The following CLN8 variants were observed in gnomAD, a reference collection of about 807,000 sequenced individuals.
The protein encoded by CLN8 is protein CLN8.
In CLN8, 14 loss-of-function variants were observed where a neutral mutation model predicts 15.7. The observed-to-expected ratio is 0.89, with a 90% CI of 0.59 to 1.39. CLN8 has a LOEUF of 1.39. Among genes scored for constraint, CLN8 ranks in the 40% most tolerant of loss-of-function variants. CLN8 has a pLI of 0.00. For missense variants in CLN8, 415 were observed against 364.0 expected (o/e 1.14, Z -1.14); for synonymous variants, 188 against 151.0 (o/e 1.25, Z -1.80).
At chr8:1,773,204 G>T (rs1801382717) in intron 2 of CLN8, among the ~76,000 whole-genome samples, 1 of 152,188 alleles carries the variant, frequency 6.6e-6, no homozygotes, top group Non-Finnish European at 1.5e-5. Context: ...GAGAAACCAT[G>T]GCCCCAGATG....
At position 1,785,154 on chromosome 8, in the gene CLN8, G is replaced by A. The variant is rs557553625; in HGVS notation, c.*4587G>A. 7.2e-4 allele frequency: 115 copies of A among 160,834 alleles called. 3 individuals carry two copies. In the South Asian group the frequency reaches 0.017, roughly 24 times the overall value. 10.0% of individuals were successfully genotyped at this position (160,834 alleles called of 1,614,324 possible). ...AGGGGCTCCGTCGCTCTGCCCTCAC[G>A]CCGCTGAACCGCGAGGGTCTCCCGC... is the stretch of plus-strand genomic sequence containing the variant. On this transcript the variant is annotated 3_prime_UTR_variant, in exon 3 of 3. Coordinates refer to ENST00000331222, the MANE Select transcript of CLN8 (RefSeq NM_018941.4).
At chr8:1,753,441 G>A (rs1800597844), upstream of CLN8, among the ~76,000 whole-genome samples, 1 of 151,760 alleles carries the variant, frequency 6.6e-6, no homozygotes, top group African/African-American at 2.4e-5. Context: ...CATGGTGGCA[G>A]GCACCTGTAA....
At chr8:1,759,123 T>G (rs1800735174), upstream of CLN8, 1 of 152,234 alleles carries the variant, frequency 6.6e-6, no homozygotes, top group South Asian at 2.1e-4. Context: ...TTAAGATCTC[T>G]GCTTTGACGT....
chr8:1,772,985 G>C (rs931766876), intron 2 of CLN8: 2 of 398,494 alleles, frequency 5.0e-6, no homozygotes, highest in African/African-American at 4.1e-5. Flanking sequence ...TCGGGGTCGA[G>C]GTGGGTAGAT....
intron 1 of CLN8, chr8:1,764,241 C>G (rs1800945969): frequency 6.6e-6 from 1 of 152,260 alleles, no homozygotes; most frequent in Non-Finnish European, 1.5e-5. Flanking sequence ...TTGTGGGGGA[C>G]TTTCGAGCCC....
At chr8:1,780,107 C>T in intron 2 of CLN8, 143 bp from the exon 3 acceptor site, 1 of 1,515,008 alleles carries the variant, frequency 6.6e-7, no homozygotes, top group Non-Finnish European at 8.8e-7. Flanking sequence ...CCAATGAGAG[C>T]AGAGCCCTGG....
chr8:1,780,276 G>T lies in CLN8; in HGVS notation c.570G>T (p.Trp190Cys), dbSNP rs772518654. The T allele has an allele frequency of 3.7e-6, 6 of 1,614,258 alleles. No individual in the cohort carries two copies. The South Asian group carries it at 5.5e-5, about 15-fold the overall frequency. Residue 190 changes from tryptophan to cysteine, a missense_variant, in exon 3 of 3, where the codon TGG becomes TGT. Trp to Cys is a radical substitution (Grantham distance 215). Transcript: ENST00000331222. ...LKAGWSESLF[W>C]KLNQWLMIHM... ...CGGGCTGGTCCGAGTCTCTGTTTTG[G>T]AAGCTCAACCAGTGGCTGATGATTC... is the stretch of plus-strand genomic sequence containing the variant.
At chr8:1,774,012 G>A (rs935949823) in intron 2 of CLN8, 3 of 152,176 alleles carry the variant, frequency 2.0e-5, no homozygotes, top group African/African-American at 7.2e-5. Context: ...TTTATTACAA[G>A]TTCTTTAAAA....
Position 1,770,935 on chromosome 8 carries a change from G to A in CLN8, c.-120G>A, listed in dbSNP as rs1057520272. 7.4e-5 allele frequency: 64 copies of A among 863,820 alleles called. No individual in the cohort carries two copies. The South Asian group carries it at 8.9e-4, about 12-fold the overall frequency. 53.5% of individuals were successfully genotyped at this position (863,820 alleles called of 1,614,324 possible). On this transcript the variant is annotated 5_prime_UTR_variant, in exon 2 of 3. It removes the in-frame stop codon of an upstream open reading frame in the 5' UTR. Coordinates refer to ENST00000331222, the MANE Select transcript of CLN8 (RefSeq NM_018941.4). ...AAATGAATGATCTTTCTTTTAGATTGAAGATGGATACGTGACAATCCCAGG... is the reference window on the plus strand; with the variant it reads ...AAATGAATGATCTTTCTTTTAGATTAAAGATGGATACGTGACAATCCCAGG...
intron 2 of CLN8, among the ~76,000 whole-genome samples, chr8:1,778,807 T>G (rs1431506045): frequency 6.6e-6 from 1 of 152,156 alleles, no homozygotes; most frequent in Non-Finnish European, 1.5e-5. Flanking sequence ...GTCCTCACAT[T>G]AATTTTTTCA....
At chr8:1,770,708 G>A (rs373941874) in intron 1 of CLN8, among the ~76,000 whole-genome samples, 5 of 152,252 alleles carry the variant, frequency 3.3e-5, no homozygotes, top group East Asian at 1.9e-4. Context: ...TGCCAGCACG[G>A]CTCCGGCCTC....
intron 1 of CLN8, among the ~76,000 whole-genome samples, chr8:1,765,628 G>C (rs960245102): frequency 2.6e-5 from 4 of 152,198 alleles, no homozygotes; most frequent in African/African-American, 9.7e-5. Context: ...AGGAATGTCA[G>C]TTCAAAAGAG....
chr8:1,778,795 T>C (rs1801610442), intron 2 of CLN8, among the ~76,000 whole-genome samples: 1 of 152,192 alleles, frequency 6.6e-6, no homozygotes, highest in Admixed American at 6.5e-5. Flanking sequence ...TCTCTTCTAA[T>C]TGTCCTCACA....
intron 2 of CLN8, among the ~76,000 whole-genome samples, chr8:1,771,999 G>C (rs551434790): frequency 1.3e-5 from 2 of 152,010 alleles, no homozygotes; most frequent in African/African-American, 2.4e-5. Flanking sequence ...ACAATGGCAT[G>C]GTTTCGGCTC....
intron 2 of CLN8, among the ~76,000 whole-genome samples, chr8:1,779,000 C>T (rs1302475739): frequency 6.6e-6 from 1 of 152,170 alleles, no homozygotes; most frequent in African/African-American, 2.4e-5. Context: ...AATCATATAG[C>T]ACAAAGCCTG....
upstream of CLN8, among the ~76,000 whole-genome samples, chr8:1,754,132 G>A (rs181525390): frequency 3.3e-5 from 5 of 152,246 alleles, no homozygotes; most frequent in African/African-American, 9.6e-5. Flanking sequence ...CAACCTTGGC[G>A]TTACTAGCAC....
rs1418562986 is a variant in CLN8 at position 1,786,515 on chromosome 8, G to A, written c.*5948G>A. On this transcript the variant is annotated 3_prime_UTR_variant, in exon 3 of 3. Transcript: ENST00000331222. ...TTAGTAAAATGTATTTACTATTTTA[G>A]TAACAAAAATATACTTGCCTAATCA... The A allele has an allele frequency of 6.6e-6, 1 of 152,016 alleles. No individual in the cohort carries two copies. The highest frequency in any genetic ancestry group is 1.5e-5 in the Non-Finnish European group (1 of 68,006). 9.4% of individuals were successfully genotyped at this position (152,016 alleles called of 1,614,324 possible).
At position 1,771,437 on chromosome 8, in the gene CLN8, T is replaced by G; in HGVS notation, c.383T>G (p.Phe128Cys). The change falls in exon 2 of 3, where the codon TTC (phenylalanine) becomes TGC (cysteine). Residue 128 changes from phenylalanine (F) to cysteine (C), a missense_variant. By Grantham distance (205) the Phe-to-Cys change is radical. Coordinates refer to ENST00000331222, the MANE Select transcript of CLN8 (RefSeq NM_018941.4). ...NVAVHLSNLI[F>C]RTFDLFLVIH... ...GCAGTCCACCTGTCCAACTTGATCT[T>G]CCGGACATTTGACTTGTTTCTGGTT... 6.2e-7 allele frequency: 1 copy of G among 1,614,226 alleles called. No homozygotes were observed.
At chr8:1,767,864 C>T (rs577626828) in intron 1 of CLN8, among the ~76,000 whole-genome samples, 121 of 152,088 alleles carry the variant, frequency 8.0e-4, no homozygotes, top group African/African-American at 2.8e-3. Context: ...CGCCACTGCA[C>T]TCGGCCTGCT....
Sources: gnomAD v4.1 joint callset for allele counts (sites outside exome capture counted in the v4.1 genomes callset) on GRCh38, gnomAD v4.1.1 for gene constraint, MANE v1.5 for transcripts, NCBI Gene and HGNC (gene_info 2026-07-23, HGNC 2026-07-21) for gene names.